Variants in PUM2 observed in about 807,000 individuals in gnomAD.
PUM2 encodes the protein pumilio RNA binding family member 2, also known as pumilio homolog 2.
A neutral mutation model predicts 124.5 loss-of-function variants in PUM2; 57 were observed. That is an observed-to-expected ratio of 0.46 (90% CI 0.37 to 0.57). The LOEUF is 0.57. PUM2 is among the 20% of genes least tolerant of loss of function. The pLI, the probability that PUM2 is intolerant of heterozygous loss-of-function variation, is 0.00. For missense variants in PUM2, 1,065 were observed against 1,290.6 expected (o/e 0.83, Z 2.68); for synonymous variants, 460 against 446.1 (o/e 1.03, Z -0.39).
At chr2:20,349,098 A>C (rs1210026322) in intron 1 of PUM2, among the ~76,000 whole-genome samples, 5 of 152,244 alleles carry the variant, frequency 3.3e-5, no homozygotes, top group Admixed American at 6.5e-5. Flanking sequence ...GCTCTTTTAA[A>C]AAGTTGAAAT....
Position 20,302,833 on chromosome 2 carries a change from C to T in PUM2, c.883+5145G>A, listed in dbSNP as rs573659001. ...AAATTTGCAGAAAGAAATGCAGAAA[C>T]TCTCTAAGATAACAAAACTGGCTGA... On this transcript the variant is annotated intron_variant, in intron 7 of 20. Coordinates refer to ENST00000361078, the MANE Select transcript of PUM2 (RefSeq NM_015317.5). 1.8e-4 allele frequency among the ~76,000 whole-genome samples: 28 copies of T among 152,256 alleles called. No individual in the cohort carries two copies. The South Asian group carries it at 5.8e-3, about 32-fold the overall frequency.
chr2:20,342,565 T>C (rs906793755), intron 1 of PUM2, among the ~76,000 whole-genome samples: 1 of 152,234 alleles, frequency 6.6e-6, no homozygotes, highest in Non-Finnish European at 1.5e-5. Context: ...GAATGTGAGG[T>C]ATGAAATATA....
intron 1 of PUM2, among the ~76,000 whole-genome samples, chr2:20,341,460 T>A (rs762469178): frequency 5.9e-5 from 9 of 152,184 alleles, no homozygotes; most frequent in Non-Finnish European, 8.8e-5. Context: ...TATCATATGA[T>A]CCAATTTTTG....
chr2:20,256,653 A>C (rs1664839350), intron 16 of PUM2, among the ~76,000 whole-genome samples: 1 of 152,228 alleles, frequency 6.6e-6, no homozygotes, highest in South Asian at 2.1e-4. Flanking sequence ...GAAGTTGATG[A>C]CTACTTATGG....
intron 1 of PUM2, among the ~76,000 whole-genome samples, chr2:20,349,209 C>T (rs1053956490): frequency 6.6e-6 from 1 of 152,098 alleles, no homozygotes; most frequent in Non-Finnish European, 1.5e-5. Flanking sequence ...AAGTTACTGG[C>T]AATTATAACT....
chr2:20,307,005 C>T (rs936149011), intron 7 of PUM2, among the ~76,000 whole-genome samples: 18 of 151,652 alleles, frequency 1.2e-4, no homozygotes, highest in Admixed American at 9.2e-4. Flanking sequence ...ACCTGAGATC[C>T]GGAGTTCAAG....
chr2:20,311,771 T>A, intron 4 of PUM2, 108 bp from the exon 5 acceptor site: 11 of 1,148,990 alleles, frequency 9.6e-6, no homozygotes, highest in Non-Finnish European at 1.2e-5. Context: ...AATAAAAGCA[T>A]TGAATCTTAT....
At chr2:20,273,231 C>T (rs1473730520) in intron 13 of PUM2, among the ~76,000 whole-genome samples, 2 of 152,220 alleles carry the variant, frequency 1.3e-5, no homozygotes, top group African/African-American at 4.8e-5. Flanking sequence ...CAAAGTATAA[C>T]ATCTGGCTAC....
chr2:20,257,828 A>G (rs916954063), intron 16 of PUM2, among the ~76,000 whole-genome samples: 4 of 152,190 alleles, frequency 2.6e-5, no homozygotes, highest in Non-Finnish European at 5.9e-5. Context: ...CTGCTGGGCT[A>G]TATTTTTAAA....
chr2:20,332,480 T>C (rs775037395), intron 1 of PUM2, among the ~76,000 whole-genome samples: 2 of 151,678 alleles, frequency 1.3e-5, no homozygotes, highest in Non-Finnish European at 2.9e-5. Context: ...TTACTGTTTA[T>C]TTCAATTACG....
At chr2:20,266,113 G>T (rs964804719) in intron 13 of PUM2, among the ~76,000 whole-genome samples, 1 of 152,070 alleles carries the variant, frequency 6.6e-6, no homozygotes, top group Non-Finnish European at 1.5e-5. Context: ...TAGACATTCA[G>T]TTCTAGAAGA....
intron 13 of PUM2, among the ~76,000 whole-genome samples, chr2:20,277,030 T>TA (rs557325162): frequency 2.0e-5 from 3 of 152,174 alleles, no homozygotes; most frequent in Admixed American, 2.0e-4. Flanking sequence ...TAGAGACATC[T>TA]AAAAAGTCAT....
chr2:20,294,235 T>C, intron 9 of PUM2, 141 bp downstream of exon 9: 1 of 855,086 alleles, frequency 1.2e-6, no homozygotes, highest in Non-Finnish European at 1.8e-6. Context: ...ATCCCATGCA[T>C]AAATACTTGC....
chr2:20,249,666 A>T lies in PUM2; in HGVS notation c.*1919T>A, dbSNP rs777718897. ...TCAGAAGATTGCGTTTCTTCTGCAG[A>T]TCTCTAGTAAAAAAAGATCTCTTCC... On this transcript the variant is annotated 3_prime_UTR_variant, in exon 21 of 21. Coordinates refer to ENST00000361078, the MANE Select transcript of PUM2 (RefSeq NM_015317.5). 2.6e-5 allele frequency: 4 copies of T among 152,648 alleles called. No homozygotes were observed. Among genetic ancestry groups the T allele is most frequent in the Non-Finnish European group, 4.4e-5 (3 of 68,028 alleles). The allele number at this position is 152,648 out of a possible 1,614,324, so 9.5% of individuals were successfully genotyped here. A position where few individuals can be genotyped will look rare whatever the true frequency, so the allele number is the denominator to read the frequency against.
In PUM2 at chr2:20,311,607, A is replaced by C; in HGVS notation, c.405T>G (p.Ala135=). 6.2e-7 allele frequency: 1 copy of C among 1,613,554 alleles called. No individual in the cohort carries two copies. The highest frequency in any genetic ancestry group is 1.1e-5 in the South Asian group (1 of 91,040). Reference sequence around the variant, plus strand: ...TGTTTTGGTCCTCCTCAAATGGAGAAGCCTTGCCTTTTTGATCTCCTTTCT... The same window carrying C: ...TGTTTTGGTCCTCCTCAAATGGAGACGCCTTGCCTTTTTGATCTCCTTTCT... The part of the protein sequence containing the change: ...GPEKGDQKGK[A]SPFEEDQNRD... Residue 135 remains alanine (A), a synonymous_variant, in exon 5 of 21, where the codon GCT becomes GCG. Transcript: ENST00000361078.
At chr2:20,275,997 A>C (rs1450568612) in intron 13 of PUM2, among the ~76,000 whole-genome samples, 1 of 152,030 alleles carries the variant, frequency 6.6e-6, no homozygotes, top group African/African-American at 2.4e-5. Context: ...TGTATGATAT[A>C]CTGTAGTTAT....
At chr2:20,321,156 CA>C (rs1419662336) in intron 2 of PUM2, among the ~76,000 whole-genome samples, 25 of 152,108 alleles carry the variant, frequency 1.6e-4, no homozygotes, top group Non-Finnish European at 2.9e-5. Context: ...CAAATTGCAG[CA>C]CACACCTGTA....
chr2:20,321,276 ACT>A (rs1682281164), intron 2 of PUM2, among the ~76,000 whole-genome samples: 1 of 152,044 alleles, frequency 6.6e-6, no homozygotes, highest in African/African-American at 2.4e-5. Flanking sequence ...ACAGAGCGAG[ACT>A]CTGTCTCAAA....
intron 16 of PUM2, among the ~76,000 whole-genome samples, chr2:20,256,942 G>A (rs1664917307): frequency 6.6e-6 from 1 of 150,624 alleles, no homozygotes; most frequent in South Asian, 2.1e-4. Flanking sequence ...TACTTCGGAG[G>A]CTGAGGCAGG....
Sources: allele counts gnomAD v4.1 joint callset (sites outside exome capture counted in the v4.1 genomes callset), GRCh38; gene constraint gnomAD v4.1.1; transcripts MANE v1.5; gene names NCBI Gene and HGNC (gene_info 2026-07-23, HGNC 2026-07-21).